The following TSC22D2 variants were observed in gnomAD, a reference collection of about 807,000 sequenced individuals.
TSC22D2 encodes the protein TSC22 domain family member 2.
Under a neutral mutation model 50.1 loss-of-function variants are expected in TSC22D2, and 5 were observed. The observed-to-expected ratio is 0.10, with a 90% CI of 0.05 to 0.21. The LOEUF (loss-of-function observed/expected upper bound fraction) is 0.21, where lower values mean the gene tolerates loss of function less well. TSC22D2 is among the 10% of genes least tolerant of loss of function. The pLI is 1.00. For synonymous variants in TSC22D2, 501 were observed against 450.1 expected, an observed-to-expected ratio of 1.11 and a Z score of -1.43; for missense variants, 1,003 against 1,015.5, an observed-to-expected ratio of 0.99 and a Z score of 0.17.
intron 1 of TSC22D2, among the ~76,000 whole-genome samples, chr3:150,443,028 C>T (rs1335158178): frequency 6.6e-6 from 1 of 152,166 alleles, no homozygotes; most frequent in Non-Finnish European, 1.5e-5. Context: ...CAGAATTTAT[C>T]TTCTGAGTTT....
At chr3:150,443,099 A>G (rs948233599) in intron 1 of TSC22D2, among the ~76,000 whole-genome samples, 3 of 152,186 alleles carry the variant, frequency 2.0e-5, no homozygotes, top group Non-Finnish European at 4.4e-5. Flanking sequence ...CACCTATCCT[A>G]TACTTGGATC....
In TSC22D2 at chr3:150,461,087, C is replaced by A. The variant is rs1293518209; in HGVS notation, c.*2451C>A. The A allele has an allele frequency of 6.6e-6, 1 of 152,116 alleles. No individual in the cohort carries two copies. Among genetic ancestry groups the A allele is most frequent in the Non-Finnish European group, 1.5e-5 (1 of 68,020 alleles). 9.4% of individuals were successfully genotyped at this position (152,116 alleles called of 1,614,324 possible). ...GCAGGACTTAACATAGAAAGAAAGA[C>A]AGGCTTTCCTGTGTACTTTTAGAAA... On this transcript the variant is annotated 3_prime_UTR_variant, in exon 3 of 3. Transcript: ENST00000688009.
At chr3:150,428,889 A>C (rs1357083217) in intron 1 of TSC22D2, among the ~76,000 whole-genome samples, 3 of 152,164 alleles carry the variant, frequency 2.0e-5, no homozygotes, top group Non-Finnish European at 4.4e-5. Context: ...CATCACTAGA[A>C]ATAATACAAC....
intron 1 of TSC22D2, 22 bp downstream of exon 1, chr3:150,411,330 A>G: frequency 1.3e-6 from 2 of 1,570,384 alleles, no homozygotes; most frequent in South Asian, 1.2e-5. Context: ...TCTATTTTAA[A>G]TATTTGATAG....
chr3:150,437,313 C>T (rs1421178827), intron 1 of TSC22D2, among the ~76,000 whole-genome samples: 1 of 152,104 alleles, frequency 6.6e-6, no homozygotes, highest in African/African-American at 2.4e-5. Context: ...GCAATAGGGA[C>T]CACTGCTGCA....
chr3:150,438,248 C>T (rs377597053), intron 1 of TSC22D2: 2 of 420,748 alleles, frequency 4.8e-6, no homozygotes, highest in East Asian at 7.1e-5. Flanking sequence ...TAATAATGAT[C>T]GAAAGCCGAA....
rs1721285318 is a variant in TSC22D2, at chr3:150,458,927, T to C, written c.*291T>C. ...TGCGCATGAGTGGGGTCTTTAAGAG[T>C]TTTGGTGGCTCTCCCATGTTTCCTA... On this transcript the variant is annotated 3_prime_UTR_variant, in exon 3 of 3. Transcript: ENST00000688009. 7.2e-6 allele frequency: 2 copies of C among 278,152 alleles called. No homozygotes were observed. The highest frequency in any genetic ancestry group is 5.0e-5 in the Admixed American group (1 of 20,184). 17.2% of individuals were successfully genotyped at this position (278,152 alleles called of 1,614,324 possible). A position where few individuals can be genotyped will look rare whatever the true frequency, so the allele number is the denominator to read the frequency against.
intron 1 of TSC22D2, among the ~76,000 whole-genome samples, chr3:150,442,164 TC>T (rs1159502548): frequency 6.6e-5 from 10 of 152,008 alleles, no homozygotes; most frequent in Non-Finnish European, 4.4e-5. Flanking sequence ...CTTTTTTTTC[TC>T]CACCCAACTG....
chr3:150,423,921 G>A (rs1385134686), intron 1 of TSC22D2, among the ~76,000 whole-genome samples: 5 of 152,082 alleles, frequency 3.3e-5, no homozygotes, highest in East Asian at 1.9e-4. Context: ...GCCTGGCAAC[G>A]CATTTGTGTC....
chr3:150,417,739 T>C (rs1719865774), intron 1 of TSC22D2, among the ~76,000 whole-genome samples: 1 of 152,078 alleles, frequency 6.6e-6, no homozygotes, highest in Admixed American at 6.6e-5. Flanking sequence ...TCCAAACTGC[T>C]CTCCCAGATC....
chr3:150,409,822 T>G lies in TSC22D2; in HGVS notation c.472T>G (p.Cys158Gly). The G allele has an allele frequency of 6.2e-7, 1 of 1,605,350 alleles. No individual in the cohort carries two copies. Among genetic ancestry groups the G allele is most frequent in the Admixed American group, 1.7e-5 (1 of 60,014 alleles). ...TAAPSQPPTT[C>G]SSRFRVIKLD... is the part of the protein sequence containing the mutation. ...AGCCCCATCTCAGCCTCCCACCACA[T>G]GTAGTTCCCGTTTTCGCGTGATCAA... The change falls in exon 1 of 3, where the codon TGT (cysteine) becomes GGT (glycine). Residue 158 changes from cysteine (C) to glycine (G), a missense_variant. Transcript: ENST00000688009. This position sits in a 1 kb window ranked among gnomAD's most constrained non-coding sequence, Gnocchi z 7.4.
intron 1 of TSC22D2, among the ~76,000 whole-genome samples, chr3:150,454,174 C>G (rs916169613): frequency 2.0e-5 from 3 of 152,090 alleles, no homozygotes; most frequent in Admixed American, 6.6e-5. Context: ...CAAACAGCAT[C>G]ACAGAAGAGA....
intron 1 of TSC22D2, among the ~76,000 whole-genome samples, chr3:150,448,425 A>G (rs1428045665): frequency 2.0e-5 from 3 of 152,168 alleles, no homozygotes; most frequent in Non-Finnish European, 2.9e-5. Context: ...TTGAGGCTGC[A>G]GTGAACCATG....
chr3:150,412,851 A>G (rs1419712399), intron 1 of TSC22D2, among the ~76,000 whole-genome samples: 2 of 152,214 alleles, frequency 1.3e-5, no homozygotes, highest in Non-Finnish European at 2.9e-5. Flanking sequence ...GGTAATAATC[A>G]ACAGGCATCT....
chr3:150,444,375 CAATTAT>C (rs1720812855), intron 1 of TSC22D2, among the ~76,000 whole-genome samples: 1 of 152,160 alleles, frequency 6.6e-6, no homozygotes, highest in East Asian at 1.9e-4. Context: ...TGTTTACTAT[CAATTAT>C]ATGCAGAGTA....
rs1246741642 is a variant in TSC22D2 at position 150,462,619 on chromosome 3, ATTTTCT to A, written c.*3988_*3993del. On this transcript the variant is annotated 3_prime_UTR_variant, in exon 3 of 3. Transcript: ENST00000688009. ...TCCCAGTGTCAGGTATCAGGTGCCT[ATTTTCT>A]TTTTTTCTTTTTTCTTTTTTTTTTT... The A allele has an allele frequency of 1.4e-5, 2 of 142,118 alleles. No individual in the cohort carries two copies. Among genetic ancestry groups the A allele is most frequent in the African/African-American group, 5.2e-5 (2 of 38,130 alleles). The allele number at this position is 142,118 out of a possible 1,614,324, so 8.8% of individuals were successfully genotyped here.
chr3:150,459,975 TTTAAA>T lies in TSC22D2; in HGVS notation c.*1345_*1349del, dbSNP rs1273557230. 3.9e-5 allele frequency: 6 copies of T among 152,128 alleles called. No individual in the cohort carries two copies. The highest frequency in any genetic ancestry group is 1.4e-4 in the African/African-American group (6 of 41,428). The allele number at this position is 152,128 out of a possible 1,614,324, so 9.4% of individuals were successfully genotyped here. On this transcript the variant is annotated 3_prime_UTR_variant, in exon 3 of 3. Transcript: ENST00000688009. Reference sequence around the variant, plus strand: ...GATTAAGTGCAGTGTATACTGAGTATTTAAATTAAAATGTACATTTCATAAATACA... The same window carrying T: ...GATTAAGTGCAGTGTATACTGAGTATTTAAAATGTACATTTCATAAATACA...
chr3:150,429,104 A>G (rs948061006), intron 1 of TSC22D2, among the ~76,000 whole-genome samples: 1 of 152,164 alleles, frequency 6.6e-6, no homozygotes, highest in Admixed American at 6.6e-5. Context: ...TGCTTAAGGA[A>G]TGGAAGGGTA....
Position 150,409,998 on chromosome 3 carries a change from C to T in TSC22D2, c.648C>T (p.Ser216=), listed in dbSNP as rs1933655928. 6.2e-7 allele frequency: 1 copy of T among 1,613,660 alleles called. No homozygotes were observed. The highest frequency in any genetic ancestry group is 8.5e-7 in the Non-Finnish European group (1 of 1,180,004). The change falls in exon 1 of 3, where the codon AGC becomes AGT. Residue 216 remains serine, a synonymous_variant. Coordinates refer to ENST00000688009, the MANE Select transcript of TSC22D2 (RefSeq NM_001303264.2). The surrounding 1 kb of genome is among the most constrained non-coding windows in gnomAD (Gnocchi z 7.4). Reference sequence around the variant, plus strand: ...TTGACCAGACTGCGGAGCGGGACAGCGGCCTGGGCGCCACCGGAGGGTCGG... The same window carrying T: ...TTGACCAGACTGCGGAGCGGGACAGTGGCCTGGGCGCCACCGGAGGGTCGG... The part of the protein sequence containing the change: ...STFDQTAERD[S]GLGATGGSVV...
Sources: gnomAD v4.1 joint callset for allele counts (sites outside exome capture counted in the v4.1 genomes callset) on GRCh38, gnomAD v4.1.1 for gene constraint, Gnocchi (gnomAD v3.1) non-coding constraint, MANE v1.5 for transcripts, NCBI Gene and HGNC (gene_info 2026-07-23, HGNC 2026-07-21) for gene names.